Variants in ZNRF1 observed in about 807,000 individuals in gnomAD.
The protein encoded by ZNRF1 is zinc and ring finger 1, also known as E3 ubiquitin-protein ligase ZNRF1.
A neutral mutation model predicts 18.4 loss-of-function variants in ZNRF1; 3 were observed. The observed-to-expected ratio is 0.16, with a 90% CI of 0.07 to 0.42. The LOEUF (loss-of-function observed/expected upper bound fraction) is 0.42. Ranked by LOEUF, ZNRF1 falls within the 10% of genes least tolerant of loss-of-function variation. ZNRF1 has a pLI of 0.99. For missense variants in ZNRF1, 310 were observed against 329.8 expected, an observed-to-expected ratio of 0.94 and a Z score of 0.47; for synonymous variants, 157 against 144.2, an observed-to-expected ratio of 1.09 and a Z score of -0.64.
At chr16:75,077,024 A>G (rs1011315334) in intron 1 of ZNRF1, among the ~76,000 whole-genome samples, 11 of 152,168 alleles carry the variant, frequency 7.2e-5, no homozygotes, top group Admixed American at 7.2e-4. Flanking sequence ...ATTTTGTTAC[A>G]GCAGCTCAAA....
At chr16:75,100,376 C>T (rs965101751) in intron 2 of ZNRF1, among the ~76,000 whole-genome samples, 1 of 152,236 alleles carries the variant, frequency 6.6e-6, no homozygotes, top group Non-Finnish European at 1.5e-5. Context: ...GAATCGCCCT[C>T]GCGCCCCCTT....
intron 1 of ZNRF1, among the ~76,000 whole-genome samples, chr16:75,081,391 G>A (rs1404887217): frequency 3.9e-5 from 6 of 152,186 alleles, no homozygotes; most frequent in African/African-American, 1.4e-4. Flanking sequence ...TTTATAGACA[G>A]CCCACAAATC....
At chr16:75,039,813 T>C (rs1187259421) in intron 1 of ZNRF1, among the ~76,000 whole-genome samples, 1 of 152,170 alleles carries the variant, frequency 6.6e-6, no homozygotes, top group East Asian at 1.9e-4. Flanking sequence ...CATAGTTCTT[T>C]GCCAGAAAAC....
At chr16:75,099,703 G>T (rs903052547) in intron 2 of ZNRF1, among the ~76,000 whole-genome samples, 1 of 152,190 alleles carries the variant, frequency 6.6e-6, no homozygotes, top group African/African-American at 2.4e-5. Flanking sequence ...GATACCAGGG[G>T]ACATTTGACT....
intron 2 of ZNRF1, among the ~76,000 whole-genome samples, chr16:75,098,593 G>A (rs911011944): frequency 3.3e-5 from 5 of 152,128 alleles, no homozygotes; most frequent in Admixed American, 2.6e-4. Flanking sequence ...TGGCAGACTG[G>A]GCCAGCAGCT....
intron 1 of ZNRF1, among the ~76,000 whole-genome samples, chr16:75,027,853 G>T (rs532645201): frequency 6.6e-6 from 1 of 152,296 alleles, no homozygotes; most frequent in South Asian, 2.1e-4. Flanking sequence ...GAATCCTGCT[G>T]TATTTCCACA....
At chr16:75,068,223 G>A (rs1217612651) in intron 1 of ZNRF1, among the ~76,000 whole-genome samples, 1 of 148,686 alleles carries the variant, frequency 6.7e-6, no homozygotes, top group South Asian at 2.1e-4. Flanking sequence ...AATTAGCTGG[G>A]CATGATTGCA....
chr16:75,080,910 A>C (rs1200949763), intron 1 of ZNRF1, among the ~76,000 whole-genome samples: 1 of 151,982 alleles, frequency 6.6e-6, no homozygotes, highest in African/African-American at 2.4e-5. Flanking sequence ...GCAGTGGCTC[A>C]CACCTGTAAT....
intron 1 of ZNRF1, among the ~76,000 whole-genome samples, chr16:75,023,538 G>T (rs945838037): frequency 1.6e-4 from 25 of 152,222 alleles, no homozygotes; most frequent in African/African-American, 6.0e-4. Context: ...ACAAAAATTA[G>T]TTGGGCGTGG....
intron 1 of ZNRF1, among the ~76,000 whole-genome samples, chr16:75,090,672 T>G (rs76484704): frequency 0.052 from 7,834 of 152,088 alleles, 683 homozygotes; most frequent in African/African-American, 0.18. Flanking sequence ...AGGAAAGAGG[T>G]TGGGGAAATG....
Position 75,009,940 on chromosome 16 carries a change from T to C in ZNRF1, c.424+9845T>C, listed in dbSNP as rs1160894936. 2.3e-4 allele frequency among the ~76,000 whole-genome samples: 8 copies of C among 34,776 alleles called. 1 individual carries two copies. The highest frequency in any genetic ancestry group is 2.7e-3 in the South Asian group (2 of 736). The allele number at this position is 34,776 out of a possible 152,430, so 22.8% of individuals were successfully genotyped here. A position where few individuals can be genotyped will look rare whatever the true frequency, so the allele number is the denominator to read the frequency against. ...TTATTGGCCATTTGTATATCTTTTT[T>C]GGAGAAATAATCTATTTATATGTCC... On this transcript the variant is annotated intron_variant, in intron 1 of 4. Transcript: ENST00000335325.
intron 1 of ZNRF1, among the ~76,000 whole-genome samples, chr16:75,012,519 C>T (rs1284541938): frequency 1.3e-5 from 2 of 152,152 alleles, no homozygotes; most frequent in Non-Finnish European, 2.9e-5. Context: ...CGTCTGTGCT[C>T]TTCTAAGATT....
intron 1 of ZNRF1, among the ~76,000 whole-genome samples, chr16:75,079,085 A>G (rs1436233011): frequency 6.6e-6 from 1 of 152,220 alleles, no homozygotes; most frequent in Non-Finnish European, 1.5e-5. Flanking sequence ...GCAATATGGT[A>G]GCATACTTTA....
At chr16:75,031,230 C>G (rs2035298929) in intron 1 of ZNRF1, among the ~76,000 whole-genome samples, 1 of 151,478 alleles carries the variant, frequency 6.6e-6, no homozygotes, top group African/African-American at 2.4e-5. Flanking sequence ...CTCCTGGGTT[C>G]AAGTCATTCT....
At chr16:75,045,104 G>A (rs967387844) in intron 1 of ZNRF1, among the ~76,000 whole-genome samples, 6 of 152,174 alleles carry the variant, frequency 3.9e-5, no homozygotes, top group Non-Finnish European at 7.3e-5. Context: ...TGCTTGTCCG[G>A]CTGCCTCAAG....
intron 1 of ZNRF1, among the ~76,000 whole-genome samples, chr16:75,085,679 C>A (rs1225980111): frequency 6.6e-6 from 1 of 152,054 alleles, no homozygotes; most frequent in Non-Finnish European, 1.5e-5. Flanking sequence ...TGCTACACAT[C>A]TTCACCGACA....
chr16:75,027,668 C>G (rs1242301701), intron 1 of ZNRF1, among the ~76,000 whole-genome samples: 1 of 152,162 alleles, frequency 6.6e-6, no homozygotes, highest in Admixed American at 6.5e-5. Context: ...TCTCAATCCT[C>G]TTCCCCTCTT....
At chr16:75,012,247 A>G (rs1354879519) in intron 1 of ZNRF1, among the ~76,000 whole-genome samples, 1 of 152,254 alleles carries the variant, frequency 6.6e-6, no homozygotes, top group Non-Finnish European at 1.5e-5. Context: ...TAGCATGACC[A>G]GTGAGACTGG....
chr16:75,088,642 C>T (rs75811027), intron 1 of ZNRF1, among the ~76,000 whole-genome samples: 4,646 of 152,232 alleles, frequency 0.031, 102 homozygotes, highest in Non-Finnish European at 0.048. Flanking sequence ...GCGCAGACTT[C>T]CTAGGTGTCG....
Sources: gnomAD v4.1 joint callset for allele counts (sites outside exome capture counted in the v4.1 genomes callset) on GRCh38, gnomAD v4.1.1 for gene constraint, MANE v1.5 for transcripts, NCBI Gene and HGNC (gene_info 2026-07-23, HGNC 2026-07-21) for gene names.